The following TFDP2 variants were observed in gnomAD, a reference collection of about 807,000 sequenced individuals.
The protein encoded by TFDP2 is transcription factor Dp-2, also known as transcription factor Dp-2 (E2F dimerization partner 2).
In TFDP2, 17 loss-of-function variants were observed where a neutral mutation model predicts 59.3. That is an observed-to-expected ratio of 0.29 (90% CI 0.20 to 0.43). The LOEUF (loss-of-function observed/expected upper bound fraction) is 0.43. TFDP2 is among the 20% of genes least tolerant of loss of function. The probability of loss-of-function intolerance (pLI) is 1.00; values close to 1 mark genes in which losing one functional copy is unlikely to be tolerated. For synonymous variants in TFDP2, 180 were observed against 194.7 expected (o/e 0.92, Z 0.63); for missense variants, 391 against 528.8 (o/e 0.74, Z 2.56).
intron 3 of TFDP2, among the ~76,000 whole-genome samples, chr3:142,026,052 C>A (rs1946057175): frequency 6.6e-6 from 1 of 152,194 alleles, no homozygotes; most frequent in African/African-American, 2.4e-5. Context: ...TGGCTCACGC[C>A]CATAATCCCA....
At chr3:142,001,206 G>A (rs780424760) in intron 4 of TFDP2, among the ~76,000 whole-genome samples, 5 of 152,202 alleles carry the variant, frequency 3.3e-5, no homozygotes, top group Non-Finnish European at 7.3e-5. Context: ...ATACCCCGCA[G>A]CTTGTACACT....
At chr3:142,030,312 A>T (rs1327774796) in intron 3 of TFDP2, among the ~76,000 whole-genome samples, 1 of 152,228 alleles carries the variant, frequency 6.6e-6, no homozygotes. Context: ...ATCTGTTTTC[A>T]CTACTGGATG....
At chr3:142,075,442 A>G (rs2060409192) in intron 3 of TFDP2, among the ~76,000 whole-genome samples, 1 of 152,202 alleles carries the variant, frequency 6.6e-6, no homozygotes. Context: ...CCAGCCAATA[A>G]GATTTTGTTT....
intron 3 of TFDP2, among the ~76,000 whole-genome samples, chr3:142,066,048 C>G (rs1661342782): frequency 6.6e-6 from 1 of 152,176 alleles, no homozygotes; most frequent in African/African-American, 2.4e-5. Context: ...CCCTTTCCAA[C>G]TCCCTTTAAA....
chr3:142,097,437 T>C lies in TFDP2; in HGVS notation c.15+4298A>G, dbSNP rs529146182. 1.3e-4 allele frequency among the ~76,000 whole-genome samples: 20 copies of C among 152,206 alleles called. No individual in the cohort carries two copies. In the South Asian group the frequency reaches 3.3e-3, roughly 25 times the overall value. On this transcript the variant is annotated intron_variant, in intron 2 of 12. Coordinates refer to ENST00000489671, the MANE Select transcript of TFDP2 (RefSeq NM_001178139.2). ...CAGGCACCATGGCTCATGCCTGTAA[T>C]AGGAGCACCTAGGGAGGCTAAGGCA...
At chr3:141,964,949 C>T (rs1937723850) in intron 9 of TFDP2, among the ~76,000 whole-genome samples, 1 of 152,108 alleles carries the variant, frequency 6.6e-6, no homozygotes, top group African/African-American at 2.4e-5. Flanking sequence ...ATAACCATTA[C>T]TCAAAAGCCA....
rs1944128371 is a variant in TFDP2 at position 142,005,359 on chromosome 3, T to C, written c.186+82A>G. 2.5e-6 allele frequency: 3 copies of C among 1,184,682 alleles called. No individual in the cohort carries two copies. The East Asian group carries it at 7.3e-5, about 29-fold the overall frequency. The allele number at this position is 1,184,682 out of a possible 1,614,324, so 73.4% of individuals were successfully genotyped here. A position where few individuals can be genotyped will look rare whatever the true frequency, so the allele number is the denominator to read the frequency against. ...CGCCTGGTTTAACTGGAATATCTGA[T>C]CAAATATATTTAATGCAATTATTCT... is the stretch of plus-strand genomic sequence containing the variant. On this transcript the variant is annotated intron_variant, in intron 4 of 12. Transcript: ENST00000489671.
intron 3 of TFDP2, among the ~76,000 whole-genome samples, chr3:142,092,357 C>G (rs993488387): frequency 2.0e-5 from 3 of 152,124 alleles, no homozygotes; most frequent in Admixed American, 2.0e-4. Context: ...GACAAGGTCT[C>G]ATTCTGTCAC....
chr3:141,999,066 G>C (rs1943538642), intron 4 of TFDP2, among the ~76,000 whole-genome samples: 1 of 152,074 alleles, frequency 6.6e-6, no homozygotes, highest in Admixed American at 6.6e-5. Context: ...GAACAACATG[G>C]GCTTGAACTG....
intron 10 of TFDP2, among the ~76,000 whole-genome samples, chr3:141,961,211 T>C (rs1937300375): frequency 6.6e-6 from 1 of 151,850 alleles, no homozygotes; most frequent in African/African-American, 2.4e-5. Flanking sequence ...ATGCTAACCA[T>C]TTTCCAGAAT....
chr3:142,127,691 C>T (rs2062324848), intron 1 of TFDP2, among the ~76,000 whole-genome samples: 1 of 151,766 alleles, frequency 6.6e-6, no homozygotes, highest in African/African-American at 2.4e-5. Context: ...ACTGTGTTGC[C>T]CAGGCTGGTC....
At chr3:142,000,327 T>C (rs1281711999) in intron 4 of TFDP2, 2 of 702,598 alleles carry the variant, frequency 2.8e-6, no homozygotes, top group South Asian at 3.0e-5. Context: ...TATTCTCTGC[T>C]TCAAAGATGA....
chr3:142,056,902 G>A (rs2059766871), intron 3 of TFDP2, among the ~76,000 whole-genome samples: 1 of 152,226 alleles, frequency 6.6e-6, no homozygotes, highest in Non-Finnish European at 1.5e-5. Context: ...CCCTGAGGCA[G>A]AAATACCTAC....
chr3:141,970,015 C>A (rs1939470356), intron 9 of TFDP2, 58 bp downstream of exon 9: 1 of 1,533,294 alleles, frequency 6.5e-7, no homozygotes, highest in East Asian at 2.2e-5. Context: ...CACACTGACT[C>A]CAAAAGGCAG....
At chr3:141,979,029 A>C (rs1399897445) in intron 6 of TFDP2, among the ~76,000 whole-genome samples, 2 of 152,138 alleles carry the variant, frequency 1.3e-5, no homozygotes, top group African/African-American at 4.8e-5. Flanking sequence ...ATCTTTTCCT[A>C]CTCTATGTAG....
chr3:142,035,950 T>C (rs749681480), intron 3 of TFDP2, among the ~76,000 whole-genome samples: 2 of 152,222 alleles, frequency 1.3e-5, no homozygotes, highest in Non-Finnish European at 2.9e-5. Context: ...ATGGACTAAA[T>C]ACTAATCAAG....
intron 8 of TFDP2, among the ~76,000 whole-genome samples, chr3:141,971,468 G>A (rs1047148829): frequency 6.6e-6 from 1 of 151,322 alleles, no homozygotes; most frequent in Non-Finnish European, 1.5e-5. Context: ...AGAATTGCTC[G>A]AACCCGGGAG....
At chr3:142,075,906 C>CAAAAAAAAAAAAAA (rs60581045) in intron 3 of TFDP2, among the ~76,000 whole-genome samples, 67 of 80,692 alleles carry the variant, frequency 8.3e-4, no homozygotes, top group African/African-American at 3.5e-3. Context: ...GAACCTGCCT[C>CAAAAAAAAAAAAAA]AAAAAAAAAA....
intron 9 of TFDP2, among the ~76,000 whole-genome samples, chr3:141,964,931 T>A (rs1393554280): frequency 6.6e-6 from 1 of 152,170 alleles, no homozygotes; most frequent in Non-Finnish European, 1.5e-5. Flanking sequence ...TTGCCGCTAC[T>A]TTTAGTTATA....
Sources: allele counts gnomAD v4.1 joint callset (sites outside exome capture counted in the v4.1 genomes callset), GRCh38; gene constraint gnomAD v4.1.1; transcripts MANE v1.5; gene names NCBI Gene and HGNC (gene_info 2026-07-23, HGNC 2026-07-21).